DDX21: variants seen among roughly 807,000 people sequenced by gnomAD.
The protein encoded by DDX21 is DExD-box helicase 21.
In DDX21, 18 loss-of-function variants were observed where a neutral mutation model predicts 90.0. The ratio of observed to expected loss-of-function variants is 0.20; its 90% CI spans 0.14 to 0.30. DDX21 has a LOEUF of 0.30. Ranked by LOEUF, DDX21 falls within the 10% of genes least tolerant of loss-of-function variation. The pLI, the probability that DDX21 is intolerant of heterozygous loss-of-function variation, is 1.00. For missense variants in DDX21, 673 were observed against 944.5 expected, an observed-to-expected ratio of 0.71 and a Z score of 3.77; for synonymous variants, 294 against 318.0, an observed-to-expected ratio of 0.92 and a Z score of 0.80.
At chr10:68,959,753 A>G in intron 1 of DDX21, 53 bp from the exon 2 acceptor site, 2 of 1,259,108 alleles carry the variant, frequency 1.6e-6, no homozygotes, top group Admixed American at 2.8e-5. Flanking sequence ...GAATGTTGCA[A>G]ATGTATAAAT....
At chr10:68,981,196 T>A (rs1843185323) in intron 13 of DDX21, among the ~76,000 whole-genome samples, 1 of 152,248 alleles carries the variant, frequency 6.6e-6, no homozygotes. Flanking sequence ...TGTGGGGCCT[T>A]AGACAAGTCA....
At chr10:68,973,502 C>T (rs760948775) in intron 9 of DDX21, 43 bp from the exon 10 acceptor site, 2 of 1,612,434 alleles carry the variant, frequency 1.2e-6, no homozygotes, top group Admixed American at 1.7e-5. Context: ...GTGTTTGTCT[C>T]TCTTTTTTGG....
At position 68,967,214 on chromosome 10, in the gene DDX21, A is replaced by C; in HGVS notation, c.1090+11A>C. On this transcript the variant is annotated intron_variant, in intron 6 of 14. Coordinates refer to ENST00000354185, the MANE Select transcript of DDX21 (RefSeq NM_004728.4). Reference sequence around the variant, plus strand: ...TGGCATACAAGAAAGGTAATCCACAAATTCAAGAAGCTGATAAAAAAGACC... The same window carrying C: ...TGGCATACAAGAAAGGTAATCCACACATTCAAGAAGCTGATAAAAAAGACC... 1.9e-6 allele frequency: 3 copies of C among 1,603,700 alleles called. No individual in the cohort carries two copies. The highest frequency in any genetic ancestry group is 2.6e-6 in the Non-Finnish European group (3 of 1,173,488).
At chr10:68,958,964 T>C (rs1010912136) in intron 1 of DDX21, among the ~76,000 whole-genome samples, 2 of 152,122 alleles carry the variant, frequency 1.3e-5, no homozygotes, top group Non-Finnish European at 2.9e-5. Context: ...CAGTGAGCTA[T>C]GATCATGCCT....
At chr10:68,970,481 G>A in intron 8 of DDX21, 131 bp downstream of exon 8, 2 of 791,570 alleles carry the variant, frequency 2.5e-6, no homozygotes, top group South Asian at 2.5e-5. Flanking sequence ...ATGAGAGGAA[G>A]CTACTTTTTT....
intron 13 of DDX21, among the ~76,000 whole-genome samples, chr10:68,981,035 TCAA>T (rs1438942580): frequency 2.6e-5 from 4 of 152,122 alleles, no homozygotes; most frequent in African/African-American, 9.7e-5. Context: ...AACCAGAAAA[TCAA>T]CAATAGAAGA....
At position 68,974,431 on chromosome 10, in the gene DDX21, T is replaced by C. The variant is rs1843067136; in HGVS notation, c.1669-239T>C. ...AAAGTCTGGGGTTTGATTAATAGTT[T>C]AGCCATGTTGGTTTCTTAGTTGAAA... On this transcript the variant is annotated intron_variant, in intron 10 of 14. Transcript: ENST00000354185. 1.3e-5 allele frequency among the ~76,000 whole-genome samples: 2 copies of C among 152,232 alleles called. 1 individual carries two copies. The highest frequency in any genetic ancestry group is 4.1e-4 in the South Asian group (2 of 4,832).
At position 68,956,177 on chromosome 10, in the gene DDX21, T is replaced by A. The variant is rs768183968; in HGVS notation, c.-49T>A. The A allele has an allele frequency of 1.3e-6, 2 of 1,597,492 alleles. No individual in the cohort carries two copies. The highest frequency in any genetic ancestry group is 1.7e-6 in the Non-Finnish European group (2 of 1,168,044). ...CCCAGGGTGGGGAACTACCTCTTCC[T>A]CTCCACGCGGTTGAGAAGACCGGTC... On this transcript the variant is annotated 5_prime_UTR_variant, in exon 1 of 15. Transcript: ENST00000354185.
At chr10:68,970,571 C>T (rs1411722808) in intron 8 of DDX21, among the ~76,000 whole-genome samples, 1 of 151,528 alleles carries the variant, frequency 6.6e-6, no homozygotes, top group Non-Finnish European at 1.5e-5. Context: ...CTCTCTGCCT[C>T]CTGAGTTCAA....
intron 8 of DDX21, among the ~76,000 whole-genome samples, 193 bp downstream of exon 8, chr10:68,970,543 G>T (rs924685882): frequency 6.6e-6 from 1 of 150,596 alleles, no homozygotes; most frequent in African/African-American, 2.5e-5. Flanking sequence ...AGGCTGGAGT[G>T]CAGTGGTGTG....
rs1842862382 is a variant in DDX21 at position 68,960,736 on chromosome 10, T to C, written c.531+487T>C. The stretch of plus-strand genomic sequence containing the variant: ...CCTGGGCCTCCCAAAGTGTTGGGAT[T>C]ACAGGCATGAGCTACTGTTCCCAGC... On this transcript the variant is annotated intron_variant, in intron 2 of 14. Transcript: ENST00000354185. 2.0e-5 allele frequency among the ~76,000 whole-genome samples: 3 copies of C among 151,360 alleles called. No individual in the cohort carries two copies. In the South Asian group the frequency reaches 6.2e-4, roughly 31 times the overall value.
At chr10:68,966,809 T>G (rs1842944940) in intron 5 of DDX21, among the ~76,000 whole-genome samples, 1 of 152,196 alleles carries the variant, frequency 6.6e-6, no homozygotes, top group Non-Finnish European at 1.5e-5. Context: ...TTGGGTGCTT[T>G]AAATTTTGTT....
chr10:68,956,499 T>G, intron 1 of DDX21, 187 bp downstream of exon 1: 1 of 1,437,624 alleles, frequency 7.0e-7, no homozygotes, highest in Non-Finnish European at 9.2e-7. Context: ...ACGCGTCGTT[T>G]GCCCGACCGA....
intron 6 of DDX21, 39 bp downstream of exon 6, chr10:68,967,242 AG>A (rs1842951641): frequency 6.3e-7 from 1 of 1,586,686 alleles, no homozygotes; most frequent in Non-Finnish European, 8.6e-7. Flanking sequence ...AAAAGACCAA[AG>A]GAAGGGTGGT....
At chr10:68,979,032 A>T in intron 13 of DDX21, 56 bp downstream of exon 13, 2 of 1,607,088 alleles carry the variant, frequency 1.2e-6, no homozygotes, top group Non-Finnish European at 1.7e-6. Context: ...GCAGGAAAAC[A>T]GTGTGGTGTG....
chr10:68,956,600 A>G, intron 1 of DDX21: 3 of 1,243,240 alleles, frequency 2.4e-6, no homozygotes, highest in Non-Finnish European at 3.1e-6. Context: ...GGAGCTCGGG[A>G]GAGGGCCGGG....
intron 5 of DDX21, 34 bp downstream of exon 5, chr10:68,965,528 G>A: frequency 2.7e-6 from 4 of 1,462,578 alleles, no homozygotes; most frequent in Non-Finnish European, 3.8e-6. Context: ...GAGGTATAAT[G>A]CCACCCATTG....
At chr10:68,970,071 T>A in intron 7 of DDX21, 130 bp from the exon 8 acceptor site, 1 of 834,594 alleles carries the variant, frequency 1.2e-6, no homozygotes, top group Non-Finnish European at 1.8e-6. Context: ...ACAGCTCTTA[T>A]CAGGCTTGAG....
In DDX21 at chr10:68,972,039, G is replaced by T. The variant is rs140286237; in HGVS notation, c.1535G>T (p.Ser512Ile). 12 of 1,613,956 alleles carry T rather than the reference G, an allele frequency of 7.4e-6. No homozygotes were observed. Among genetic ancestry groups the T allele is most frequent in the African/African-American group, 1.3e-5 (1 of 75,044 alleles). ...DIPEVDLVIQ[S>I]SPPKDVESYI... ...CCTGAGGTTGATTTGGTTATACAAAGCTCTCCACCAAAGGTATGTGCTTTA... is the reference window on the plus strand; with the variant it reads ...CCTGAGGTTGATTTGGTTATACAAATCTCTCCACCAAAGGTATGTGCTTTA... The change falls in exon 9 of 15, where the codon AGC becomes ATC. Residue 512 changes from serine (S) to isoleucine (I), a missense_variant. Physicochemically the swap from Ser to Ile is moderately radical, Grantham distance 142. Around this residue, in one of 4 missense-constraint regions of DDX21, gnomAD observed 26 missense variants for 76.9 expected, o/e 0.34. Coordinates refer to ENST00000354185, the MANE Select transcript of DDX21 (RefSeq NM_004728.4).
Sources: allele counts gnomAD v4.1 joint callset (sites outside exome capture counted in the v4.1 genomes callset), GRCh38; gene constraint gnomAD v4.1.1; regional missense constraint gnomAD v4.1.1; transcripts MANE v1.5; gene names NCBI Gene and HGNC (gene_info 2026-07-23, HGNC 2026-07-21).